Variants in PC observed in about 807,000 individuals in gnomAD.
PC encodes pyruvate carboxylase.
PC carries 46 observed loss-of-function variants against 107.8 expected under a neutral mutation model. The ratio of observed to expected loss-of-function variants is 0.43; its 90% CI spans 0.34 to 0.55. The LOEUF (loss-of-function observed/expected upper bound fraction) is 0.55, where lower values mean the gene tolerates loss of function less well. PC is among the 20% of genes least tolerant of loss of function. The probability of loss-of-function intolerance (pLI) is 0.04; values close to 1 mark genes in which losing one functional copy is unlikely to be tolerated. For synonymous variants in PC, 662 were observed against 684.7 expected (o/e 0.97, Z 0.52); for missense variants, 1,241 against 1,643.1 (o/e 0.76, Z 4.23).
chr11:66,858,112 A>G lies in PC; in HGVS notation c.1369-4729T>C, dbSNP rs1417895156. ...AGCCTCCGGGGCCCCGTCAATCTGC[A>G]GCACCTCATCCTCAGCGGCAACCAG... On this transcript the variant is annotated intron_variant, in intron 12 of 22. Coordinates refer to ENST00000393960, the MANE Select transcript of PC (RefSeq NM_001040716.2). The surrounding 1 kb of genome is among the most constrained non-coding windows in gnomAD (Gnocchi z 5.9). 4 of 1,610,638 alleles carry G rather than the reference A, an allele frequency of 2.5e-6. No individual in the cohort carries two copies. The highest frequency in any genetic ancestry group is 3.4e-6 in the Non-Finnish European group (4 of 1,178,888).
At chr11:66,938,198 T>C (rs1282236789) in intron 3 of PC, among the ~76,000 whole-genome samples, 1 of 152,094 alleles carries the variant, frequency 6.6e-6, no homozygotes, top group Non-Finnish European at 1.5e-5. Flanking sequence ...GCATGCCTCA[T>C]AACTTTTTGT....
At chr11:66,936,475 T>A (rs981369865) in intron 3 of PC, among the ~76,000 whole-genome samples, 1 of 152,176 alleles carries the variant, frequency 6.6e-6, no homozygotes, top group Non-Finnish European at 1.5e-5. Flanking sequence ...TATTGGCAAT[T>A]GCTCTATTTT....
intron 12 of PC, among the ~76,000 whole-genome samples, chr11:66,854,244 A>G (rs187410920): frequency 1.3e-5 from 2 of 152,288 alleles, no homozygotes; most frequent in Admixed American, 1.3e-4. Flanking sequence ...AGCCACATCA[A>G]ACTTGCCTTG....
chr11:66,863,539 T>C (rs980325643), intron 12 of PC, among the ~76,000 whole-genome samples: 2 of 152,158 alleles, frequency 1.3e-5, no homozygotes, highest in Non-Finnish European at 1.5e-5. Context: ...GAGGACGAGC[T>C]CCGGCCAGGC....
In PC at chr11:66,852,860, T is replaced by G; in HGVS notation, c.1514-24A>C. ...GCCTGGGGAGAAAGCGGGCAGTGGG[T>G]CAGGGTGGGCTGGGCAGAGGCTGAG... On this transcript the variant is annotated intron_variant, in intron 13 of 22. Transcript: ENST00000393960. The surrounding 1 kb of genome is among the most constrained non-coding windows in gnomAD (Gnocchi z 4.7). 6.6e-7 allele frequency: 1 copy of G among 1,509,668 alleles called. No homozygotes were observed. The allele number at this position is 1,509,668 out of a possible 1,614,324, so 93.5% of individuals were successfully genotyped here. A position where few individuals can be genotyped will look rare whatever the true frequency, so the allele number is the denominator to read the frequency against.
rs1378724382 is a variant in PC at position 66,863,624 on chromosome 11, C to T, written c.1368+150G>A. On this transcript the variant is annotated intron_variant, in intron 12 of 22. Transcript: ENST00000393960. ...AAAACAGCTGGAGTCTGGCGTGCAG[C>T]TGCAGCCAAGGAGAGCCACTGACCT... The T allele has an allele frequency of 3.6e-6, 3 of 832,078 alleles. No individual in the cohort carries two copies. In the East Asian group the frequency reaches 7.5e-5, roughly 21 times the overall value. The allele number at this position is 832,078 out of a possible 1,614,324, so 51.5% of individuals were successfully genotyped here. A position where few individuals can be genotyped will look rare whatever the true frequency, so the allele number is the denominator to read the frequency against.
intron 3 of PC, among the ~76,000 whole-genome samples, chr11:66,909,254 T>C (rs919126778): frequency 6.6e-6 from 1 of 152,142 alleles, no homozygotes; most frequent in African/African-American, 2.4e-5. Flanking sequence ...GCTGCTGGTG[T>C]GGGGCCAGAG....
At chr11:66,853,891 C>T (rs1453938199) in intron 12 of PC, among the ~76,000 whole-genome samples, 2 of 152,260 alleles carry the variant, frequency 1.3e-5, no homozygotes, top group Non-Finnish European at 2.9e-5. Context: ...CACATGCTCC[C>T]CAGGAGGCCC....
intron 3 of PC, among the ~76,000 whole-genome samples, chr11:66,875,827 C>T (rs534487991): frequency 1.2e-4 from 19 of 152,256 alleles, no homozygotes; most frequent in African/African-American, 4.3e-4. Context: ...ATTCATTGCA[C>T]AGTGGAGAAA....
chr11:66,853,695 C>T (rs1472730842), intron 12 of PC, among the ~76,000 whole-genome samples: 3 of 152,244 alleles, frequency 2.0e-5, no homozygotes, highest in African/African-American at 7.2e-5. Flanking sequence ...TGGCCCACAG[C>T]AGTCACCCTT....
chr11:66,948,514 T>G (rs890273566), intron 3 of PC, among the ~76,000 whole-genome samples: 18 of 152,200 alleles, frequency 1.2e-4, no homozygotes, highest in Admixed American at 1.2e-3. Flanking sequence ...ACTTTAAATA[T>G]GTGCAACTTA....
intron 3 of PC, among the ~76,000 whole-genome samples, chr11:66,950,624 G>A (rs574857194): frequency 2.6e-5 from 4 of 152,312 alleles, no homozygotes; most frequent in South Asian, 4.1e-4. Context: ...GGGAACTGAG[G>A]AGCCAAACAA....
chr11:66,943,128 G>A (rs1949188005), intron 3 of PC, among the ~76,000 whole-genome samples: 1 of 152,114 alleles, frequency 6.6e-6, no homozygotes, highest in Non-Finnish European at 1.5e-5. Flanking sequence ...GTATTAAGAG[G>A]TGGGGCCTTG....
chr11:66,871,617 A>G lies in PC; in HGVS notation c.321+70T>C. On this transcript the variant is annotated intron_variant, in intron 5 of 22. Transcript: ENST00000393960. The surrounding 1 kb of genome is among the most constrained non-coding windows in gnomAD (Gnocchi z 7.4). Reference sequence around the variant, plus strand: ...CAGAGGCGCTGAGCACGCCAGCCTCAAGAGACCCCCGCGGCAACTAAGACT... The same window carrying G: ...CAGAGGCGCTGAGCACGCCAGCCTCGAGAGACCCCCGCGGCAACTAAGACT... 6.4e-7 allele frequency: 1 copy of G among 1,569,052 alleles called. No individual in the cohort carries two copies.
At chr11:66,859,343 C>T (rs1034280139) in intron 12 of PC, among the ~76,000 whole-genome samples, 1 of 152,194 alleles carries the variant, frequency 6.6e-6, no homozygotes, top group Non-Finnish European at 1.5e-5. Context: ...CAGGCCTCCC[C>T]GGCAGCAGGT....
Position 66,858,789 on chromosome 11 carries a change from T to C in PC, c.1368+4985A>G, listed in dbSNP as rs1235633431. On this transcript the variant is annotated intron_variant, in intron 12 of 22. Transcript: ENST00000393960. The surrounding 1 kb of genome is among the most constrained non-coding windows in gnomAD (Gnocchi z 5.9). ...GACCGGCGCTGGGGACGCTGGGGGC[T>C]ACACCTGCATCGCCACCAACCCTGC... 6.5e-7 allele frequency: 1 copy of C among 1,549,896 alleles called. No individual in the cohort carries two copies. Among genetic ancestry groups the C allele is most frequent in the Non-Finnish European group, 8.7e-7 (1 of 1,147,474 alleles).
rs1484360809 is a variant in PC at position 66,945,516 on chromosome 11, T to C, written c.-1+6914A>G. Among the ~76,000 whole-genome samples the C allele has an allele frequency of 4.4e-5, 5 of 113,128 alleles. 2 individuals carry two copies. The highest frequency in any genetic ancestry group is 9.7e-5 in the Non-Finnish European group (5 of 51,414). 74.2% of individuals were successfully genotyped at this position (113,128 alleles called of 152,430 possible). ...TTGAGGCACATGGGCTGTGAGACCA[T>C]CCCCATTTGGAGGCAAAATGGTGGC... On this transcript the variant is annotated intron_variant, in intron 3 of 22. Transcript: ENST00000393960.
intron 3 of PC, chr11:66,907,938 G>A (rs1226332510): frequency 1.3e-5 from 2 of 152,362 alleles, no homozygotes; most frequent in African/African-American, 2.4e-5. Flanking sequence ...CCCTGTCAAT[G>A]ACTTTCCAGA....
At chr11:66,898,297 C>T (rs1261419258) in intron 3 of PC, among the ~76,000 whole-genome samples, 6 of 152,154 alleles carry the variant, frequency 3.9e-5, no homozygotes, top group East Asian at 1.9e-4. Flanking sequence ...GTCTTTTAGC[C>T]GACTGCGCTG....
Sources: allele counts gnomAD v4.1 joint callset (sites outside exome capture counted in the v4.1 genomes callset), GRCh38; gene constraint gnomAD v4.1.1; non-coding constraint Gnocchi (gnomAD v3.1); transcripts MANE v1.5; gene names NCBI Gene and HGNC (gene_info 2026-07-23, HGNC 2026-07-21).